CENPQ: variants seen among roughly 807,000 people sequenced by gnomAD.
CENPQ encodes the protein centromere protein Q.
In CENPQ, 27 loss-of-function variants were observed where a neutral mutation model predicts 36.6. The observed-to-expected ratio is 0.74, with a 90% CI of 0.54 to 1.02. The LOEUF is 1.02. Ranked by LOEUF, CENPQ falls within the 50% of genes least tolerant of loss-of-function variation. The probability of loss-of-function intolerance (pLI) is 0.00; values close to 1 mark genes in which losing one functional copy is unlikely to be tolerated. For synonymous variants in CENPQ, 101 were observed against 101.7 expected (o/e 0.99, Z 0.04); for missense variants, 306 against 301.8 (o/e 1.01, Z -0.10).
At chr6:49,473,587 C>T (rs920109281) in intron 5 of CENPQ, among the ~76,000 whole-genome samples, 1 of 152,112 alleles carries the variant, frequency 6.6e-6, no homozygotes, top group Non-Finnish European at 1.5e-5. Flanking sequence ...TAAAGACCAT[C>T]GATGCTAGGA....
chr6:49,488,666 C>T lies in CENPQ; in HGVS notation c.657C>T (p.Leu219=). The T allele has an allele frequency of 6.2e-7, 1 of 1,612,870 alleles. No individual in the cohort carries two copies. Among genetic ancestry groups the T allele is most frequent in the Non-Finnish European group, 8.5e-7 (1 of 1,179,016 alleles). ...TTCCGGAACTTTCTCAGAAAACTCT[C>T]AAAGCACCCACACTTCAGGTAAGTG... ...LSLPELSQKT[L]KAPTLQKEIL... Residue 219 remains leucine (L), a synonymous_variant, in exon 8 of 9, where the codon CTC becomes CTT. Coordinates refer to ENST00000335783, the MANE Select transcript of CENPQ (RefSeq NM_018132.4).
chr6:49,483,587 G>A (rs1042458929), intron 6 of CENPQ, among the ~76,000 whole-genome samples: 4 of 152,194 alleles, frequency 2.6e-5, no homozygotes, highest in Non-Finnish European at 4.4e-5. Context: ...AAGGCCCAGC[G>A]AGAAATCGAG....
chr6:49,486,231 T>A (rs969084441), intron 6 of CENPQ, among the ~76,000 whole-genome samples: 5 of 152,208 alleles, frequency 3.3e-5, no homozygotes, highest in Non-Finnish European at 5.9e-5. Context: ...ACCATTCTCC[T>A]CTCTTGTCTT....
intron 5 of CENPQ, among the ~76,000 whole-genome samples, chr6:49,476,883 C>T (rs1185666725): frequency 6.6e-6 from 1 of 152,198 alleles, no homozygotes; most frequent in African/African-American, 2.4e-5. Context: ...CCATCTCACA[C>T]CAGTTAGAAT....
At chr6:49,485,861 C>T (rs1259467995) in intron 6 of CENPQ, among the ~76,000 whole-genome samples, 2 of 151,056 alleles carry the variant, frequency 1.3e-5, no homozygotes, top group Non-Finnish European at 3.0e-5. Context: ...CAAAGATAAC[C>T]AAAGCAATGG....
At chr6:49,482,541 G>A (rs1298833396) in intron 6 of CENPQ, among the ~76,000 whole-genome samples, 4 of 152,170 alleles carry the variant, frequency 2.6e-5, no homozygotes, top group South Asian at 2.1e-4. Context: ...CCAGTGGGTC[G>A]GTCCAGGGGT....
At position 49,472,058 on chromosome 6, in the gene CENPQ, G is replaced by C. The variant is rs745733076; in HGVS notation, c.158-5G>C. 3.7e-6 allele frequency: 6 copies of C among 1,608,466 alleles called. No individual in the cohort carries two copies. The South Asian group carries it at 6.7e-5, about 18-fold the overall frequency. ...GATCAGAGCCTCTTCTATTACTAACGACAGGACAAACAAAGCACACTAACC... is the reference window on the plus strand; with the variant it reads ...GATCAGAGCCTCTTCTATTACTAACCACAGGACAAACAAAGCACACTAACC... On this transcript the variant is annotated splice_polypyrimidine_tract_variant and splice_region_variant and intron_variant, in intron 3 of 8. Transcript: ENST00000335783.
At chr6:49,492,111 T>C (rs1768734507) in intron 8 of CENPQ, 33 bp from the exon 9 acceptor site, 2 of 1,537,510 alleles carry the variant, frequency 1.3e-6, no homozygotes, top group Non-Finnish European at 1.8e-6. Flanking sequence ...AATAAAATGT[T>C]AACAACTACA....
intron 8 of CENPQ, 116 bp from the exon 9 acceptor site, chr6:49,492,028 T>C (rs1324276512): frequency 1.3e-6 from 1 of 748,844 alleles, no homozygotes; most frequent in East Asian, 2.9e-5. Flanking sequence ...TCGTTGACAA[T>C]TATTGAAGTT....
chr6:49,492,353 G>A lies in CENPQ; in HGVS notation c.*78G>A. On this transcript the variant is annotated 3_prime_UTR_variant, in exon 9 of 9. Transcript: ENST00000335783. ...TAAAACTGTTAACCTATGATTATATGTACAGAGGCTAAGGCTTCTGCAGGA... is the reference window on the plus strand; with the variant it reads ...TAAAACTGTTAACCTATGATTATATATACAGAGGCTAAGGCTTCTGCAGGA... The A allele has an allele frequency of 1.6e-6, 2 of 1,279,058 alleles. No homozygotes were observed. The highest frequency in any genetic ancestry group is 2.1e-6 in the Non-Finnish European group (2 of 941,266). 79.2% of individuals were successfully genotyped at this position (1,279,058 alleles called of 1,614,324 possible).
At chr6:49,467,048 C>T (rs1356427264) in intron 1 of CENPQ, among the ~76,000 whole-genome samples, 1 of 152,286 alleles carries the variant, frequency 6.6e-6, no homozygotes, top group African/African-American at 2.4e-5. Context: ...TCTACGTAGA[C>T]CCAAGCATGC....
chr6:49,478,460 A>G (rs1330842720), intron 5 of CENPQ, among the ~76,000 whole-genome samples: 10 of 152,122 alleles, frequency 6.6e-5, no homozygotes, highest in Non-Finnish European at 1.3e-4. Context: ...TCATTTTCAT[A>G]TATTAGTCTC....
intron 5 of CENPQ, among the ~76,000 whole-genome samples, chr6:49,474,430 C>T (rs1250781215): frequency 6.6e-5 from 10 of 151,984 alleles, no homozygotes; most frequent in South Asian, 2.1e-4. Flanking sequence ...GGGTACATAA[C>T]GAAATGAAGG....
At chr6:49,475,588 A>G (rs1244337172) in intron 5 of CENPQ, among the ~76,000 whole-genome samples, 1 of 152,212 alleles carries the variant, frequency 6.6e-6, no homozygotes, top group Non-Finnish European at 1.5e-5. Context: ...ATCAGGCAGG[A>G]GAAAGAAATA....
At chr6:49,481,956 G>A (rs1323964605) in intron 6 of CENPQ, among the ~76,000 whole-genome samples, 5 of 152,326 alleles carry the variant, frequency 3.3e-5, no homozygotes, top group Admixed American at 1.3e-4. Flanking sequence ...TGCAGGTCCT[G>A]AGCCCTGCCC....
intron 5 of CENPQ, among the ~76,000 whole-genome samples, chr6:49,474,476 A>G (rs912189551): frequency 2.0e-5 from 3 of 152,340 alleles, no homozygotes; most frequent in Middle Eastern, 3.4e-3. Context: ...CAACGAGAAC[A>G]AAGACACAAC....
At chr6:49,492,069 G>C in intron 8 of CENPQ, 75 bp from the exon 9 acceptor site, 1 of 1,180,282 alleles carries the variant, frequency 8.5e-7, no homozygotes, top group Admixed American at 2.4e-5. Flanking sequence ...TTATTTTACT[G>C]TTCTCTCTAA....
chr6:49,465,650 T>C (rs1019689372), intron 1 of CENPQ, among the ~76,000 whole-genome samples: 1 of 152,246 alleles, frequency 6.6e-6, no homozygotes, highest in Non-Finnish European at 1.5e-5. Flanking sequence ...GCTTACTTCC[T>C]TAAACCTCAG....
rs11333073 is a variant in CENPQ, at chr6:49,470,140, AT to A, written c.-18-6del. The A allele has an allele frequency of 0.35, 326,183 of 919,132 alleles. 23,253 individuals carry two copies. Among genetic ancestry groups the A allele is most frequent in the Non-Finnish European group, 0.37 (231,745 of 627,280 alleles). The allele number at this position is 919,132 out of a possible 1,614,324, so 56.9% of individuals were successfully genotyped here. ...TTTTGTATTATTTTCATCTTTACAG[AT>A]TTTTTTTTTTTTCGAAGCACTGTGT... On this transcript the variant is annotated intron_variant, in intron 1 of 8. Coordinates refer to ENST00000335783, the MANE Select transcript of CENPQ (RefSeq NM_018132.4).
Sources: gnomAD v4.1 joint callset for allele counts (sites outside exome capture counted in the v4.1 genomes callset) on GRCh38, gnomAD v4.1.1 for gene constraint, MANE v1.5 for transcripts, NCBI Gene and HGNC (gene_info 2026-07-23, HGNC 2026-07-21) for gene names.